LINGO2: variants seen among roughly 807,000 people sequenced by gnomAD.
The protein encoded by LINGO2 is leucine-rich repeat and immunoglobulin-like domain-containing nogo receptor-interacting protein 2.
Under a neutral mutation model 30.6 loss-of-function variants are expected in LINGO2, and 14 were observed. That is an observed-to-expected ratio of 0.46 (90% CI 0.30 to 0.72). LINGO2 has a LOEUF of 0.72. LINGO2 is among the 30% of genes least tolerant of loss of function. The pLI is 0.07. For missense variants in LINGO2, 729 were observed against 751.7 expected (o/e 0.97, Z 0.35); for synonymous variants, 317 against 288.5 (o/e 1.10, Z -1.00).
At chr9:29,106,644 T>G in the LINGO2 span, among the ~76,000 whole-genome samples, 1 of 152,102 alleles carries the variant, frequency 6.6e-6, no homozygotes, top group South Asian at 2.1e-4. Context: ...AACCACAGAG[T>G]TTATTATACT....
chr9:28,797,357 TATAGAGAGAG>T, the LINGO2 span, among the ~76,000 whole-genome samples: 98 of 55,182 alleles, frequency 1.8e-3, no homozygotes, highest in African/African-American at 3.7e-3. Context: ...TATATATATA[TATAGAGAGAG>T]AGAGAGAGAG....
chr9:28,912,520 A>T, the LINGO2 span, among the ~76,000 whole-genome samples: 1 of 152,130 alleles, frequency 6.6e-6, no homozygotes, highest in Admixed American at 6.6e-5. Context: ...TCACCCTGGA[A>T]GATATGTGAC....
the LINGO2 span, among the ~76,000 whole-genome samples, chr9:29,039,636 G>C: frequency 5.9e-5 from 9 of 152,006 alleles, no homozygotes; most frequent in South Asian, 2.1e-4. Flanking sequence ...ACTTTAGTTT[G>C]CCCATGGCTA....
At chr9:28,984,312 C>T in the LINGO2 span, among the ~76,000 whole-genome samples, 42 of 152,204 alleles carry the variant, frequency 2.8e-4, no homozygotes, top group African/African-American at 9.6e-4. Flanking sequence ...ACATAAAAGA[C>T]TTCCCATAGT....
the LINGO2 span, among the ~76,000 whole-genome samples, chr9:29,078,194 G>A: frequency 1.3e-5 from 2 of 151,954 alleles, no homozygotes; most frequent in African/African-American, 2.4e-5. Flanking sequence ...GAGAGAACCT[G>A]TAGGGTAAAA....
the LINGO2 span, among the ~76,000 whole-genome samples, chr9:28,726,870 T>G: frequency 6.6e-6 from 1 of 152,204 alleles, no homozygotes; most frequent in Non-Finnish European, 1.5e-5. Flanking sequence ...CCCACGCTGA[T>G]GTATACCCTT....
At chr9:27,962,557 C>T (rs1031800490) in intron 5 of LINGO2, among the ~76,000 whole-genome samples, 1 of 152,118 alleles carries the variant, frequency 6.6e-6, no homozygotes, top group African/African-American at 2.4e-5. Context: ...CCCCCTTCTA[C>T]GACTGTCCTT....
At chr9:28,957,285 A>G in the LINGO2 span, among the ~76,000 whole-genome samples, 1 of 152,186 alleles carries the variant, frequency 6.6e-6, no homozygotes, top group Non-Finnish European at 1.5e-5. Flanking sequence ...AAGATCAGGA[A>G]ATTAATGTAG....
the LINGO2 span, among the ~76,000 whole-genome samples, chr9:28,895,878 G>A: frequency 6.6e-6 from 1 of 152,000 alleles, no homozygotes; most frequent in Admixed American, 6.6e-5. Flanking sequence ...TTAGATGATT[G>A]TCGGTCATCT....
At chr9:28,569,599 G>A (rs1823570833) in intron 1 of LINGO2, among the ~76,000 whole-genome samples, 1 of 134,200 alleles carries the variant, frequency 7.5e-6, no homozygotes, top group Admixed American at 7.9e-5. Context: ...TAGAAACAGA[G>A]TATAATGATG....
intron 4 of LINGO2, among the ~76,000 whole-genome samples, chr9:28,022,643 CTTCT>C (rs145238637): frequency 0.01 from 1,564 of 151,668 alleles, 28 homozygotes; most frequent in African/African-American, 0.036. Context: ...GCATAACTCT[CTTCT>C]TTTTCTCTCT....
the LINGO2 span, among the ~76,000 whole-genome samples, chr9:28,884,967 AT>A: frequency 5.6e-5 from 1 of 17,760 alleles, no homozygotes; most frequent in African/African-American, 1.8e-4. Context: ...TATTTTATAT[AT>A]ATAATATATA....
At chr9:28,008,261 G>A (rs1284594767) in intron 5 of LINGO2, among the ~76,000 whole-genome samples, 1 of 151,980 alleles carries the variant, frequency 6.6e-6, no homozygotes, top group Non-Finnish European at 1.5e-5. Context: ...CAGCCTTCTG[G>A]TATTTATTCC....
At chr9:28,652,947 G>T (rs189886355) in intron 1 of LINGO2, among the ~76,000 whole-genome samples, 1 of 151,968 alleles carries the variant, frequency 6.6e-6, no homozygotes, top group Non-Finnish European at 1.5e-5. Flanking sequence ...GAGAAAGTGC[G>T]TTAGTTAAAT....
At chr9:27,958,555 G>A (rs962655963) in intron 5 of LINGO2, among the ~76,000 whole-genome samples, 3 of 152,134 alleles carry the variant, frequency 2.0e-5, no homozygotes, top group Non-Finnish European at 4.4e-5. Flanking sequence ...GAGTGAGAGA[G>A]AGAGACTACA....
intron 1 of LINGO2, among the ~76,000 whole-genome samples, chr9:28,479,733 G>A (rs915793916): frequency 6.6e-6 from 1 of 150,466 alleles, no homozygotes; most frequent in South Asian, 2.1e-4. Flanking sequence ...ATGTATTTCA[G>A]GAACATGTGT....
intron 4 of LINGO2, among the ~76,000 whole-genome samples, chr9:28,151,476 T>C (rs1394580412): frequency 6.6e-6 from 1 of 151,852 alleles, no homozygotes; most frequent in African/African-American, 2.4e-5. Flanking sequence ...CATATGATAT[T>C]TAGATTGAAT....
intron 1 of LINGO2, among the ~76,000 whole-genome samples, chr9:28,505,260 A>C (rs976631665): frequency 6.6e-6 from 1 of 151,920 alleles, no homozygotes; most frequent in African/African-American, 2.4e-5. Context: ...GGAACAAAGG[A>C]GACTCTCAAA....
chr9:29,189,207 C>G, the LINGO2 span, among the ~76,000 whole-genome samples: 1 of 149,054 alleles, frequency 6.7e-6, no homozygotes, highest in Non-Finnish European at 1.5e-5. Flanking sequence ...CCTCACTTCC[C>G]AGTAGGGGCG....
Sources: gnomAD v4.1 joint callset for allele counts (sites outside exome capture counted in the v4.1 genomes callset) on GRCh38, gnomAD v4.1.1 for gene constraint, MANE v1.5 for transcripts, NCBI Gene and HGNC (gene_info 2026-07-23, HGNC 2026-07-21) for gene names.